AGAP1: variants seen among roughly 807,000 people sequenced by gnomAD.
AGAP1 encodes the protein ArfGAP with GTPase domain, ankyrin repeat and PH domain 1.
In AGAP1, 29 loss-of-function variants were observed where a neutral mutation model predicts 105.3. The ratio of observed to expected loss-of-function variants is 0.28; its 90% confidence interval spans 0.21 to 0.38. The LOEUF (loss-of-function observed/expected upper bound fraction) is 0.38, where lower values mean the gene tolerates loss of function less well. AGAP1 is among the 10% of genes least tolerant of loss of function. The pLI, the probability that AGAP1 is intolerant of heterozygous loss-of-function variation, is 1.00. For synonymous variants in AGAP1, 509 were observed against 485.9 expected (o/e 1.05, Z -0.63); for missense variants, 998 against 1,165.1 (o/e 0.86, Z 2.09).
At chr2:235,946,203 G>T (rs1173133067) in intron 12 of AGAP1, among the ~76,000 whole-genome samples, 2 of 151,784 alleles carry the variant, frequency 1.3e-5, no homozygotes, top group African/African-American at 2.4e-5. Context: ...AATTTTGGGG[G>T]TGTATACCCT....
rs996772479 is a variant in AGAP1, at chr2:236,062,987, T to A, written c.2114+13706T>A. On this transcript the variant is annotated intron_variant, in intron 16 of 17. Transcript: ENST00000304032. The surrounding 1 kb of genome is among the most constrained non-coding windows in gnomAD (Gnocchi z 4.2). ...CAGCTATTTTTTTAAGAGATGGGGGTCTCACTATGTTGCCCAGGCAGGGAT... is the reference window on the plus strand; with the variant it reads ...CAGCTATTTTTTTAAGAGATGGGGGACTCACTATGTTGCCCAGGCAGGGAT... 6.6e-6 allele frequency among the ~76,000 whole-genome samples: 1 copy of A among 151,882 alleles called. No homozygotes were observed. Among genetic ancestry groups the A allele is most frequent in the Non-Finnish European group, 1.5e-5 (1 of 67,980 alleles).
chr2:235,782,390 C>T (rs1372639199), intron 6 of AGAP1, among the ~76,000 whole-genome samples: 12 of 152,040 alleles, frequency 7.9e-5, no homozygotes, highest in Non-Finnish European at 1.5e-5. Flanking sequence ...TTGACAATGT[C>T]ACCATTTGCC....
rs1950493548 is a variant in AGAP1 at position 235,705,507 on chromosome 2, GA to G, written c.164-3670del. Among the ~76,000 whole-genome samples the G allele has an allele frequency of 6.6e-6, 1 of 152,188 alleles. No homozygotes were observed. Among genetic ancestry groups the G allele is most frequent in the African/African-American group, 2.4e-5 (1 of 41,448 alleles). On this transcript the variant is annotated intron_variant, in intron 1 of 17. Transcript: ENST00000304032. This position sits in a 1 kb window ranked among gnomAD's most constrained non-coding sequence, Gnocchi z 4.9. ...TCCTCGACCCCACCTACTGAGTGAT[GA>G]ACAATTCCACGCCAGCACAGTGTCC...
rs1450404011 is a variant in AGAP1 at position 235,535,658 on chromosome 2, G to A, written c.163+40809G>A. ...GCACCCGCGTCGCGCTCCAGCTCCAGCCCTTTAATGCTCTTTGCCATTCAA... is the reference window on the plus strand; with the variant it reads ...GCACCCGCGTCGCGCTCCAGCTCCAACCCTTTAATGCTCTTTGCCATTCAA... On this transcript the variant is annotated intron_variant, in intron 1 of 17. Coordinates refer to ENST00000304032, the MANE Select transcript of AGAP1 (RefSeq NM_001037131.3). The surrounding 1 kb of genome is among the most constrained non-coding windows in gnomAD (Gnocchi z 5.1). Among the ~76,000 whole-genome samples, 1 of 152,050 alleles carries A rather than the reference G, an allele frequency of 6.6e-6. No individual in the cohort carries two copies. The highest frequency in any genetic ancestry group is 1.9e-4 in the East Asian group (1 of 5,160).
chr2:236,031,673 C>G (rs765880), intron 13 of AGAP1, among the ~76,000 whole-genome samples: 11 of 151,932 alleles, frequency 7.2e-5, no homozygotes, highest in Non-Finnish European at 1.0e-4. Flanking sequence ...AGCCCCATCT[C>G]TGGATAGTTG....
intron 7 of AGAP1, among the ~76,000 whole-genome samples, chr2:235,798,442 G>C (rs566392080): frequency 6.6e-6 from 1 of 152,208 alleles, no homozygotes; most frequent in East Asian, 1.9e-4. Flanking sequence ...CTTGTTTTTT[G>C]ATTACGTTTC....
rs1227110664 is a variant in AGAP1 at position 235,958,448 on chromosome 2, G to A, written c.1484-10014G>A. On this transcript the variant is annotated intron_variant, in intron 12 of 17. Coordinates refer to ENST00000304032, the MANE Select transcript of AGAP1 (RefSeq NM_001037131.3). This position sits in a 1 kb window ranked among gnomAD's most constrained non-coding sequence, Gnocchi z 4.1. ...CGGACACATTTAGAGACCCTCGGGA[G>A]CGCGAGGGATATGAGAATCACAAGC... is the stretch of plus-strand genomic sequence containing the variant. 3.9e-5 allele frequency among the ~76,000 whole-genome samples: 6 copies of A among 152,084 alleles called. No individual in the cohort carries two copies. The highest frequency in any genetic ancestry group is 7.4e-5 in the Non-Finnish European group (5 of 68,026).
chr2:235,763,763 C>A (rs1450061119), intron 6 of AGAP1, among the ~76,000 whole-genome samples: 1 of 152,146 alleles, frequency 6.6e-6, no homozygotes, highest in Non-Finnish European at 1.5e-5. Context: ...TGTAAGTCAC[C>A]CCCAAATATG....
intron 1 of AGAP1, among the ~76,000 whole-genome samples, chr2:235,502,905 C>G (rs1372019256): frequency 6.6e-6 from 1 of 151,528 alleles, no homozygotes; most frequent in African/African-American, 2.4e-5. Flanking sequence ...AGATAATAGT[C>G]TGAAAGGCAG....
rs538899476 is a variant in AGAP1, at chr2:235,556,033, G to T, written c.163+61184G>T. ...TCTGCCTGTGGGGCACGTGGGACAT[G>T]TGAGGGAGAAACAGCATCCTGCAGG... On this transcript the variant is annotated intron_variant, in intron 1 of 17. Coordinates refer to ENST00000304032, the MANE Select transcript of AGAP1 (RefSeq NM_001037131.3). This position sits in a 1 kb window ranked among gnomAD's most constrained non-coding sequence, Gnocchi z 5.3. Among the ~76,000 whole-genome samples the T allele has an allele frequency of 2.0e-5, 3 of 152,344 alleles. No individual in the cohort carries two copies. In the South Asian group the frequency reaches 6.2e-4, roughly 32 times the overall value.
rs894155292 is a variant in AGAP1 at position 235,551,662 on chromosome 2, C to T, written c.163+56813C>T. ...TTAAAACGTTTTTCTTTCCAAGGCA[C>T]GTGGCAGGTGGGTGCTGTTTCTTTC... On this transcript the variant is annotated intron_variant, in intron 1 of 17. Coordinates refer to ENST00000304032, the MANE Select transcript of AGAP1 (RefSeq NM_001037131.3). This position sits in a 1 kb window ranked among gnomAD's most constrained non-coding sequence, Gnocchi z 4.8. Among the ~76,000 whole-genome samples the T allele has an allele frequency of 1.3e-5, 2 of 152,238 alleles. No homozygotes were observed. The highest frequency in any genetic ancestry group is 1.9e-4 in the East Asian group (1 of 5,196).
At chr2:235,797,526 C>T (rs1026137382) in intron 6 of AGAP1, among the ~76,000 whole-genome samples, 2 of 151,736 alleles carry the variant, frequency 1.3e-5, no homozygotes, top group African/African-American at 2.4e-5. Flanking sequence ...ATCCTGCTGG[C>T]CAGAGCTTGT....
intron 1 of AGAP1, among the ~76,000 whole-genome samples, chr2:235,698,329 C>A (rs1028306969): frequency 5.3e-4 from 81 of 152,162 alleles, no homozygotes; most frequent in Admixed American, 1.7e-3. Flanking sequence ...CCCAGCCAGC[C>A]ACGGATGAGT....
chr2:236,032,253 AAT>A (rs1559209304), intron 13 of AGAP1, among the ~76,000 whole-genome samples: 1 of 152,200 alleles, frequency 6.6e-6, no homozygotes, highest in African/African-American at 2.4e-5. Context: ...AGACAGAGGT[AAT>A]AGTTCCATGG....
rs1355309104 is a variant in AGAP1 at position 235,725,272 on chromosome 2, G to A, written c.310+7628G>A. On this transcript the variant is annotated intron_variant, in intron 3 of 17. Transcript: ENST00000304032. The surrounding 1 kb of genome is among the most constrained non-coding windows in gnomAD (Gnocchi z 5.7). ...ATCGGGGTAGTAAATGTGTTCTCAG[G>A]AGCACGTGTATCTTAAATATGTTTT... is the stretch of plus-strand genomic sequence containing the variant. Among the ~76,000 whole-genome samples the A allele has an allele frequency of 6.6e-6, 1 of 152,140 alleles. No individual in the cohort carries two copies. The highest frequency in any genetic ancestry group is 1.9e-4 in the East Asian group (1 of 5,194).
rs1197165004 is a variant in AGAP1 at position 236,099,945 on chromosome 2, C to A, written c.2115-20247C>A. Among the ~76,000 whole-genome samples the A allele has an allele frequency of 2.0e-5, 3 of 152,116 alleles. No individual in the cohort carries two copies. The East Asian group carries it at 5.8e-4, about 29-fold the overall frequency. On this transcript the variant is annotated intron_variant, in intron 16 of 17. Transcript: ENST00000304032. Reference sequence around the variant, plus strand: ...ATCCCAGCTACCCAGGAGGCTAAGACAGGAGAATTGGTTGAACCCGGGAGG... The same window carrying A: ...ATCCCAGCTACCCAGGAGGCTAAGAAAGGAGAATTGGTTGAACCCGGGAGG...
chr2:235,814,405 C>T (rs1958333032), intron 9 of AGAP1, among the ~76,000 whole-genome samples: 1 of 152,244 alleles, frequency 6.6e-6, no homozygotes, highest in African/African-American at 2.4e-5. Context: ...GAAAGATTCT[C>T]AAAGTTAATG....
In AGAP1 at chr2:236,001,239, G is replaced by A. The variant is rs894324572; in HGVS notation, c.1645+32616G>A. 2.6e-5 allele frequency among the ~76,000 whole-genome samples: 4 copies of A among 152,166 alleles called. No homozygotes were observed. The highest frequency in any genetic ancestry group is 5.9e-5 in the Non-Finnish European group (4 of 68,020). On this transcript the variant is annotated intron_variant, in intron 13 of 17. Coordinates refer to ENST00000304032, the MANE Select transcript of AGAP1 (RefSeq NM_001037131.3). This position sits in a 1 kb window ranked among gnomAD's most constrained non-coding sequence, Gnocchi z 4.7. ...GAGAAAGGAAAGGGACAGGTCCTCC[G>A]GGGAGCCTTCATGGGGAGCCCTGGC...
At chr2:235,757,898 A>G (rs1954064534) in intron 6 of AGAP1, among the ~76,000 whole-genome samples, 1 of 152,206 alleles carries the variant, frequency 6.6e-6, no homozygotes, top group South Asian at 2.1e-4. Flanking sequence ...GCACTAGAGC[A>G]TCTGTGAATG....
Sources: gnomAD v4.1 joint callset for allele counts (sites outside exome capture counted in the v4.1 genomes callset) on GRCh38, gnomAD v4.1.1 for gene constraint, Gnocchi (gnomAD v3.1) non-coding constraint, MANE v1.5 for transcripts, NCBI Gene and HGNC (gene_info 2026-07-23, HGNC 2026-07-21) for gene names.